The following MSRA variants were observed in gnomAD, a reference collection of about 807,000 sequenced individuals.
MSRA encodes the protein methionine sulfoxide reductase A.
Under a neutral mutation model 31.3 loss-of-function variants are expected in MSRA, and 54 were observed. The observed-to-expected ratio is 1.73, with a 90% CI of 1.39 to 2.17. MSRA has a LOEUF of 2.17. Among genes scored for constraint, MSRA ranks in the 30% most tolerant of loss-of-function variants. The pLI is 0.00. For synonymous variants in MSRA, 169 were observed against 116.5 expected, an observed-to-expected ratio of 1.45 and a Z score of -2.90; for missense variants, 507 against 300.9, an observed-to-expected ratio of 1.69 and a Z score of -5.07.
At chr8:10,392,274 C>A (rs1188163753) in intron 5 of MSRA, among the ~76,000 whole-genome samples, 2 of 152,208 alleles carry the variant, frequency 1.3e-5, no homozygotes, top group African/African-American at 4.8e-5. Context: ...AATGCCAGGG[C>A]TTCCTTAAAC....
chr8:10,340,117 A>G (rs4841321), intron 5 of MSRA, among the ~76,000 whole-genome samples: 131,251 of 152,012 alleles, frequency 0.86, 57,149 homozygotes, highest in South Asian at 0.93. Context: ...ACGGCAAAGG[A>G]GAAGAGGCAG....
intron 1 of MSRA, among the ~76,000 whole-genome samples, chr8:10,117,121 C>T (rs1800742996): frequency 6.6e-6 from 1 of 152,178 alleles, no homozygotes. Flanking sequence ...TTCTTGGCCT[C>T]ATGCTTTCTA....
chr8:10,421,090 T>A (rs1052716490), intron 5 of MSRA, among the ~76,000 whole-genome samples: 1 of 151,346 alleles, frequency 6.6e-6, no homozygotes, highest in African/African-American at 2.4e-5. Flanking sequence ...GTAGGGAGAG[T>A]CTGACTCACA....
At chr8:10,304,240 A>G (rs1801005281) in intron 4 of MSRA, among the ~76,000 whole-genome samples, 1 of 152,242 alleles carries the variant, frequency 6.6e-6, no homozygotes, top group Non-Finnish European at 1.5e-5. Flanking sequence ...CCTAGCCACC[A>G]GGTGTACTAA....
chr8:10,080,094 C>T (rs916061097), intron 1 of MSRA, among the ~76,000 whole-genome samples: 1 of 152,134 alleles, frequency 6.6e-6, no homozygotes, highest in Non-Finnish European at 1.5e-5. Flanking sequence ...TTGCTTTTCT[C>T]CCCCATCTTT....
At chr8:10,197,630 T>C (rs1005873304) in intron 1 of MSRA, among the ~76,000 whole-genome samples, 2 of 152,106 alleles carry the variant, frequency 1.3e-5, no homozygotes, top group Admixed American at 6.6e-5. Flanking sequence ...GAAATGCAGA[T>C]CCCCAGGCCT....
intron 1 of MSRA, among the ~76,000 whole-genome samples, chr8:10,199,021 G>A (rs78560969): frequency 0.019 from 2,906 of 152,258 alleles, 95 homozygotes; most frequent in African/African-American, 0.067. Flanking sequence ...TTGAGACTGA[G>A]CATCTATTGT....
chr8:10,229,011 G>T (rs546355860), intron 2 of MSRA, among the ~76,000 whole-genome samples: 1 of 152,174 alleles, frequency 6.6e-6, no homozygotes, highest in East Asian at 1.9e-4. Flanking sequence ...AAAAAAAGAC[G>T]AAAAAAGATC....
intron 1 of MSRA, among the ~76,000 whole-genome samples, chr8:10,197,651 G>C (rs556442416): frequency 2.0e-5 from 3 of 152,300 alleles, no homozygotes; most frequent in South Asian, 4.1e-4. Flanking sequence ...TGGTGGGGCA[G>C]ATATGGGTTC....
chr8:10,421,634 A>G (rs1453959042), intron 5 of MSRA, among the ~76,000 whole-genome samples: 1 of 152,000 alleles, frequency 6.6e-6, no homozygotes, highest in Non-Finnish European at 1.5e-5. Flanking sequence ...ATTACCAGAA[A>G]GGCTCTTTAC....
At chr8:10,252,736 A>G (rs1340258793) in intron 3 of MSRA, among the ~76,000 whole-genome samples, 2 of 152,212 alleles carry the variant, frequency 1.3e-5, no homozygotes, top group Non-Finnish European at 2.9e-5. Context: ...GACCTTACAT[A>G]TAATAAGCTG....
At chr8:10,358,650 T>A (rs1804657028) in intron 5 of MSRA, among the ~76,000 whole-genome samples, 1 of 127,938 alleles carries the variant, frequency 7.8e-6, no homozygotes, top group Admixed American at 8.9e-5. Context: ...TGGAGTGCAG[T>A]GGCGGGATCT....
intron 1 of MSRA, among the ~76,000 whole-genome samples, chr8:10,171,410 C>G (rs1162856554): frequency 6.7e-6 from 1 of 150,170 alleles, no homozygotes; most frequent in African/African-American, 2.5e-5. Flanking sequence ...AAATGAACAG[C>G]TCTCTACATT....
At chr8:10,124,059 G>T (rs1480480088) in intron 1 of MSRA, among the ~76,000 whole-genome samples, 1 of 151,984 alleles carries the variant, frequency 6.6e-6, no homozygotes, top group Non-Finnish European at 1.5e-5. Context: ...AGAGGTCGAG[G>T]GGCTTCTGGT....
At chr8:10,250,783 C>T (rs1312681623) in intron 3 of MSRA, 2 of 318,674 alleles carry the variant, frequency 6.3e-6, no homozygotes, top group East Asian at 5.5e-5. Context: ...CGTTTCCTCT[C>T]TTGTAAAATG....
chr8:10,382,639 C>T (rs1017718134), intron 5 of MSRA, among the ~76,000 whole-genome samples: 4 of 152,208 alleles, frequency 2.6e-5, no homozygotes, highest in African/African-American at 9.6e-5. Flanking sequence ...TAAGGGTCCA[C>T]CAACTACAGT....
chr8:10,299,114 T>C (rs993340728), intron 3 of MSRA, among the ~76,000 whole-genome samples: 2 of 152,198 alleles, frequency 1.3e-5, no homozygotes, highest in African/African-American at 2.4e-5. Flanking sequence ...TGTTTGAATA[T>C]GCATTTATTT....
At chr8:10,184,836 C>T (rs1806879434) in intron 1 of MSRA, among the ~76,000 whole-genome samples, 1 of 152,160 alleles carries the variant, frequency 6.6e-6, no homozygotes, top group Non-Finnish European at 1.5e-5. Context: ...CCTAGGTCTT[C>T]CCACTCCAAA....
At chr8:10,163,456 C>G (rs763474947) in intron 1 of MSRA, among the ~76,000 whole-genome samples, 1 of 152,220 alleles carries the variant, frequency 6.6e-6, no homozygotes, top group Admixed American at 6.5e-5. Context: ...CTGCTTGGCC[C>G]GTTTCATCTG....
Sources: allele counts gnomAD v4.1 joint callset (sites outside exome capture counted in the v4.1 genomes callset), GRCh38; gene constraint gnomAD v4.1.1; transcripts MANE v1.5; gene names NCBI Gene and HGNC (gene_info 2026-07-23, HGNC 2026-07-21).